Variants in CHRM3 observed in about 807,000 individuals in gnomAD.
CHRM3 encodes the protein cholinergic receptor muscarinic 3.
CHRM3 carries 11 observed loss-of-function variants against 41.8 expected under a neutral mutation model. The observed-to-expected ratio is 0.26, with a 90% CI of 0.17 to 0.44. CHRM3 has a LOEUF of 0.44. Among genes scored for constraint, CHRM3 ranks in the 20% least tolerant of loss-of-function variants. The pLI, the probability that CHRM3 is intolerant of heterozygous loss-of-function variation, is 1.00. For synonymous variants in CHRM3, 297 were observed against 301.4 expected, an observed-to-expected ratio of 0.99 and a Z score of 0.15; for missense variants, 571 against 745.4, an observed-to-expected ratio of 0.77 and a Z score of 2.72.
intron 1 of CHRM3, among the ~76,000 whole-genome samples, chr1:239,391,768 G>C (rs994427519): frequency 3.3e-5 from 5 of 152,152 alleles, no homozygotes; most frequent in African/African-American, 1.2e-4. Flanking sequence ...AACACTTTGA[G>C]AAAAACAATG....
chr1:239,641,891 C>A (rs1201774684), intron 4 of CHRM3, among the ~76,000 whole-genome samples: 1 of 128,052 alleles, frequency 7.8e-6, no homozygotes, highest in Non-Finnish European at 1.7e-5. Context: ...CGTGATTTTG[C>A]AGTGGCTGGT....
chr1:239,770,733 C>A (rs895715183), intron 5 of CHRM3, among the ~76,000 whole-genome samples: 1 of 152,056 alleles, frequency 6.6e-6, no homozygotes, highest in Non-Finnish European at 1.5e-5. Context: ...TATAAGGAAC[C>A]ACAAGCCTTT....
chr1:239,900,377 CT>C (rs10567817), intron 6 of CHRM3, among the ~76,000 whole-genome samples: 7,527 of 130,212 alleles, frequency 0.058, 236 homozygotes, highest in African/African-American at 0.12. Flanking sequence ...TTTAGATATT[CT>C]TTTTTTTTTT....
intron 1 of CHRM3, among the ~76,000 whole-genome samples, chr1:239,445,317 T>C (rs1358621848): frequency 6.6e-6 from 1 of 152,144 alleles, no homozygotes; most frequent in African/African-American, 2.4e-5. Context: ...CCCTCATGAT[T>C]TTCTTTCTAA....
chr1:239,835,647 T>C (rs1673252051), intron 6 of CHRM3, among the ~76,000 whole-genome samples: 1 of 152,212 alleles, frequency 6.6e-6, no homozygotes, highest in Non-Finnish European at 1.5e-5. Context: ...CTTAGTGCGT[T>C]AGGAAGAACA....
intron 1 of CHRM3, among the ~76,000 whole-genome samples, chr1:239,408,930 G>C (rs970719172): frequency 4.6e-5 from 7 of 151,994 alleles, no homozygotes; most frequent in African/African-American, 1.5e-4. Context: ...CCTCCAGAAT[G>C]CTCTTGATGT....
intron 3 of CHRM3, among the ~76,000 whole-genome samples, chr1:239,622,268 T>C (rs1668461400): frequency 6.6e-6 from 1 of 152,206 alleles, no homozygotes; most frequent in Non-Finnish European, 1.5e-5. Flanking sequence ...TTTTCATGCC[T>C]GTTAATATAA....
At chr1:239,715,462 C>T (rs1353368702) in intron 5 of CHRM3, among the ~76,000 whole-genome samples, 1 of 152,102 alleles carries the variant, frequency 6.6e-6, no homozygotes, top group African/African-American at 2.4e-5. Context: ...AATACCGTCA[C>T]CATGGCTGGA....
chr1:239,751,525 G>A (rs976111903), intron 5 of CHRM3, among the ~76,000 whole-genome samples: 30 of 152,104 alleles, frequency 2.0e-4, no homozygotes, highest in Admixed American at 1.8e-3. Context: ...TGCCCATTGG[G>A]CACCTAAATA....
At chr1:239,510,775 A>T (rs1408006093) in intron 2 of CHRM3, among the ~76,000 whole-genome samples, 5 of 151,956 alleles carry the variant, frequency 3.3e-5, no homozygotes, top group African/African-American at 7.3e-5. Flanking sequence ...ACCTCAGCTG[A>T]TCCGCCTGCC....
intron 4 of CHRM3, among the ~76,000 whole-genome samples, chr1:239,655,189 T>C (rs1467303887): frequency 6.6e-6 from 1 of 152,196 alleles, no homozygotes; most frequent in African/African-American, 2.4e-5. Flanking sequence ...GTCTTGGTCT[T>C]AAAAGGAATT....
intron 3 of CHRM3, among the ~76,000 whole-genome samples, chr1:239,574,133 G>T (rs935982312): frequency 2.6e-5 from 4 of 152,092 alleles, no homozygotes; most frequent in African/African-American, 9.7e-5. Context: ...AGAGATATTT[G>T]TCTGTGTTTC....
chr1:239,856,455 C>T (rs1328773059), intron 6 of CHRM3, among the ~76,000 whole-genome samples: 1 of 152,116 alleles, frequency 6.6e-6, no homozygotes, highest in Non-Finnish European at 1.5e-5. Flanking sequence ...TCCTGCTGGC[C>T]ATGTGAATAT....
chr1:239,864,384 G>A (rs1675902290), intron 6 of CHRM3, among the ~76,000 whole-genome samples: 1 of 152,122 alleles, frequency 6.6e-6, no homozygotes, highest in Non-Finnish European at 1.5e-5. Context: ...GCACACGCCT[G>A]TAATCCAAGC....
chr1:239,782,282 C>T (rs1474414626), intron 5 of CHRM3, among the ~76,000 whole-genome samples: 2 of 151,984 alleles, frequency 1.3e-5, no homozygotes, highest in Non-Finnish European at 2.9e-5. Context: ...TATTTAATTT[C>T]TCTAATGGAT....
chr1:239,408,173 C>T (rs897414034), intron 1 of CHRM3: 4 of 152,014 alleles, frequency 2.6e-5, no homozygotes, highest in Admixed American at 6.6e-5. Flanking sequence ...AGCGGCTTTC[C>T]CCGACTTCAT....
At chr1:239,773,557 T>C (rs1317512336) in intron 5 of CHRM3, among the ~76,000 whole-genome samples, 1 of 152,212 alleles carries the variant, frequency 6.6e-6, no homozygotes, top group East Asian at 1.9e-4. Flanking sequence ...TCTACTGCAC[T>C]ACCAGAAATC....
At chr1:239,607,115 C>T (rs1486496238) in intron 3 of CHRM3, among the ~76,000 whole-genome samples, 1 of 152,052 alleles carries the variant, frequency 6.6e-6, no homozygotes, top group Admixed American at 6.5e-5. Flanking sequence ...TCTAAAGCAA[C>T]AAAAAAATTT....
chr1:239,872,038 A>G (rs184475339), intron 6 of CHRM3, among the ~76,000 whole-genome samples: 1 of 152,322 alleles, frequency 6.6e-6, no homozygotes. Flanking sequence ...AAACTTTGTA[A>G]GAAAGCTAAC....
Sources: allele counts gnomAD v4.1 joint callset (sites outside exome capture counted in the v4.1 genomes callset), GRCh38; gene constraint gnomAD v4.1.1; transcripts MANE v1.5; gene names NCBI Gene and HGNC (gene_info 2026-07-23, HGNC 2026-07-21).